The following ADGRF5 variants were observed in gnomAD, a reference collection of about 807,000 sequenced individuals.
ADGRF5 encodes the protein G-protein coupled receptor 116.
In ADGRF5, 75 loss-of-function variants were observed where a neutral mutation model predicts 132.3. The observed-to-expected ratio is 0.57, with a 90% CI of 0.47 to 0.69. The LOEUF is 0.69. ADGRF5 is among the 30% of genes least tolerant of loss of function. The pLI is 0.00. For synonymous variants in ADGRF5, 629 were observed against 597.6 expected, an observed-to-expected ratio of 1.05 and a Z score of -0.77; for missense variants, 1,516 against 1,630.6, an observed-to-expected ratio of 0.93 and a Z score of 1.21.
In ADGRF5 at chr6:46,862,703, C is replaced by CTTTTTTTTTTTTTTTTTTTTTTT. The variant is rs67565937; in HGVS notation, c.2199+162_2199+184dup. On this transcript the variant is annotated intron_variant, in intron 15 of 20. Coordinates refer to ENST00000283296, the MANE Select transcript of ADGRF5 (RefSeq NM_001098518.2). ...AGTTGTCTTAGTATTTGAATTGAGG[C>CTTTTTTTTTTTTTTTTTTTTTTT]TTTTTTTTTTTTTTTTTTTTTTTTT... 2.3e-3 allele frequency among the ~76,000 whole-genome samples: 60 copies of CTTTTTTTTTTTTTTTTTTTTTTT among 26,512 alleles called. 8 individuals are homozygous for CTTTTTTTTTTTTTTTTTTTTTTT. The highest frequency in any genetic ancestry group is 0.091 in the Middle Eastern group (2 of 22). The allele number at this position is 26,512 out of a possible 152,430, so 17.4% of individuals were successfully genotyped here.
chr6:46,860,729 A>C lies in ADGRF5; in HGVS notation c.2365T>G (p.Ser789Ala). The C allele has an allele frequency of 1.2e-6, 2 of 1,611,874 alleles. No individual in the cohort carries two copies. Among genetic ancestry groups the C allele is most frequent in the Non-Finnish European group, 8.5e-7 (1 of 1,178,410 alleles). Residue 789 changes from serine to alanine, a missense_variant, in exon 16 of 21, where the codon TCA becomes GCA. Ser to Ala is a moderately conservative substitution (Grantham distance 99). Coordinates refer to ENST00000283296, the MANE Select transcript of ADGRF5 (RefSeq NM_001098518.2). ...LLSTVPTQVNSEMMTHVLSTV... is the reference protein window; with the variant it reads ...LLSTVPTQVNAEMMTHVLSTV... ...AGCAAACTCACCGTCATCATTTCTG[A>C]ATTTACTTGGGTTGGAACTGTTGAG...
chr6:46,943,057 C>A (rs1355381595), intron 1 of ADGRF5, among the ~76,000 whole-genome samples: 2 of 151,426 alleles, frequency 1.3e-5, no homozygotes, highest in Non-Finnish European at 2.9e-5. Context: ...TGAAAATTGA[C>A]ACAGGAAATT....
chr6:46,922,427 G>A (rs1561822754), upstream of ADGRF5, among the ~76,000 whole-genome samples: 2 of 152,246 alleles, frequency 1.3e-5, no homozygotes, highest in East Asian at 3.9e-4. Flanking sequence ...AGGTTTCCAG[G>A]GAAACTCTGT....
At chr6:46,954,026 A>AG (rs1778628046) in intron 1 of ADGRF5, among the ~76,000 whole-genome samples, 1 of 152,010 alleles carries the variant, frequency 6.6e-6, no homozygotes, top group Non-Finnish European at 1.5e-5. Flanking sequence ...AGTCTCAGTG[A>AG]CCTATCATCT....
intron 3 of ADGRF5, among the ~76,000 whole-genome samples, chr6:46,896,145 A>G (rs1266142398): frequency 6.6e-6 from 1 of 152,050 alleles, no homozygotes; most frequent in Non-Finnish European, 1.5e-5. Flanking sequence ...CGTGTAATTT[A>G]TTTAGCCATA....
intron 3 of ADGRF5, among the ~76,000 whole-genome samples, chr6:46,889,900 T>G (rs1773475197): frequency 6.6e-6 from 1 of 151,740 alleles, no homozygotes; most frequent in Non-Finnish European, 1.5e-5. Context: ...TTAGCCTTAC[T>G]TACTCCATCT....
Position 46,871,866 on chromosome 6 carries a change from A to G in ADGRF5, c.1388T>C (p.Ile463Thr). ...SAYGARGSANIKVTFISVANL... is the reference protein window; with the variant it reads ...SAYGARGSANTKVTFISVANL... ...ACCCACAGAGATGAATGTCACTTTTATGTTTGCACTGCCTCTGGCTCCATA... is the reference window on the plus strand; with the variant it reads ...ACCCACAGAGATGAATGTCACTTTTGTGTTTGCACTGCCTCTGGCTCCATA... The change falls in exon 11 of 21, where the codon ATA (isoleucine) becomes ACA (threonine). Residue 463 changes from isoleucine (I) to threonine (T), a missense_variant. Transcript: ENST00000283296. 6.2e-7 allele frequency: 1 copy of G among 1,602,938 alleles called. No homozygotes were observed. The highest frequency in any genetic ancestry group is 2.2e-5 in the East Asian group (1 of 44,592).
chr6:46,888,282 T>A, intron 4 of ADGRF5, 53 bp downstream of exon 4: 1 of 1,287,252 alleles, frequency 7.8e-7, no homozygotes, highest in Admixed American at 1.7e-5. Flanking sequence ...GCTCAGACAG[T>A]CTGTCTCAAG....
chr6:46,953,649 GTGTATATATATATATATA>G (rs1204931023), intron 1 of ADGRF5, among the ~76,000 whole-genome samples: 12 of 91,494 alleles, frequency 1.3e-4, no homozygotes, highest in Admixed American at 4.9e-4. Flanking sequence ...ATAGATATAT[GTGTATATATATATATATA>G]TATATATATA....
intron 13 of ADGRF5, among the ~76,000 whole-genome samples, chr6:46,866,415 C>T (rs1055542213): frequency 6.6e-6 from 1 of 152,076 alleles, no homozygotes; most frequent in Non-Finnish European, 1.5e-5. Context: ...CTTTTATGCC[C>T]TCTGGAGCCT....
At chr6:46,899,677 GTT>G (rs777077950) in intron 3 of ADGRF5, among the ~76,000 whole-genome samples, 1 of 144,574 alleles carries the variant, frequency 6.9e-6, no homozygotes, top group Admixed American at 6.9e-5. Context: ...TGTTTGTTTT[GTT>G]TTTTTTTTTA....
At chr6:46,901,859 A>G (rs1204739116) in intron 2 of ADGRF5, among the ~76,000 whole-genome samples, 1 of 151,632 alleles carries the variant, frequency 6.6e-6, no homozygotes, top group Non-Finnish European at 1.5e-5. Context: ...TCCTCTTACT[A>G]AGTTACATTT....
At chr6:46,869,387 A>C in intron 11 of ADGRF5, 2 of 985,354 alleles carry the variant, frequency 2.0e-6, no homozygotes, top group Non-Finnish European at 2.4e-6. Flanking sequence ...GCAGGGTAAA[A>C]GGTTGCAAAC....
At chr6:46,953,685 A>ATATATATATATATATATC (rs1326327311) in intron 1 of ADGRF5, among the ~76,000 whole-genome samples, 25 of 126,940 alleles carry the variant, frequency 2.0e-4, no homozygotes, top group African/African-American at 3.7e-4. Flanking sequence ...ATATATATAT[A>ATATATATATATATATATC]TATATCTCAC....
At position 46,892,878 on chromosome 6, in the gene ADGRF5, G is replaced by A. The variant is rs76603231; in HGVS notation, c.158-4373C>T. On this transcript the variant is annotated intron_variant, in intron 3 of 20. Coordinates refer to ENST00000283296, the MANE Select transcript of ADGRF5 (RefSeq NM_001098518.2). Reference sequence around the variant, plus strand: ...TGTTCCTTGATTTAATGATTTACCTGTAATTTTACTATTTATTGAATGCCT... The same window carrying A: ...TGTTCCTTGATTTAATGATTTACCTATAATTTTACTATTTATTGAATGCCT... Among the ~76,000 whole-genome samples, 92 of 152,204 alleles carry A rather than the reference G, an allele frequency of 6.0e-4. 1 individual carries two copies. The highest frequency in any genetic ancestry group is 2.2e-3 in the African/African-American group (90 of 41,536).
At chr6:46,903,333 T>A (rs1030101100) in intron 2 of ADGRF5, 1 of 152,154 alleles carries the variant, frequency 6.6e-6, no homozygotes. Context: ...CCCAGGGGAC[T>A]GTCTGAGCCA....
At chr6:46,932,245 T>A (rs904662934) in intron 1 of ADGRF5, among the ~76,000 whole-genome samples, 1 of 152,186 alleles carries the variant, frequency 6.6e-6, no homozygotes, top group Non-Finnish European at 1.5e-5. Flanking sequence ...GACCATTAGT[T>A]TTAAAAAATA....
chr6:46,918,048 A>AT (rs1381670117), intron 1 of ADGRF5, among the ~76,000 whole-genome samples: 4 of 152,246 alleles, frequency 2.6e-5, no homozygotes, highest in Admixed American at 2.6e-4. Context: ...AGAGTAGGTG[A>AT]TTCTACTAGG....
chr6:46,868,983 A>G lies in ADGRF5; in HGVS notation c.1521T>C (p.Ser507=). The part of the protein sequence containing the change: ...SNYDEVYWNT[S]AGIKIYQRFY... ...ATCTTTGGTATATTTTAATTCCAGC[A>G]GAAGTGTTCCAATAAACCTCATCAT... Residue 507 remains serine (S), a synonymous_variant, in exon 12 of 21, where the codon TCT becomes TCC. Coordinates refer to ENST00000283296, the MANE Select transcript of ADGRF5 (RefSeq NM_001098518.2). The G allele has an allele frequency of 1.9e-6, 3 of 1,612,774 alleles. No homozygotes were observed.
Sources: gnomAD v4.1 joint callset for allele counts (sites outside exome capture counted in the v4.1 genomes callset) on GRCh38, gnomAD v4.1.1 for gene constraint, MANE v1.5 for transcripts, NCBI Gene and HGNC (gene_info 2026-07-23, HGNC 2026-07-21) for gene names.